TAOK2: variants seen among roughly 807,000 people sequenced by gnomAD.
The protein encoded by TAOK2 is serine/threonine-protein kinase TAO2.
TAOK2 carries 42 observed loss-of-function variants against 122.5 expected under a neutral mutation model. The ratio of observed to expected loss-of-function variants is 0.34; its 90% confidence interval spans 0.27 to 0.44. TAOK2 has a LOEUF of 0.44. Ranked by LOEUF, TAOK2 falls within the 20% of genes least tolerant of loss-of-function variation. The pLI, the probability that TAOK2 is intolerant of heterozygous loss-of-function variation, is 1.00. For synonymous variants in TAOK2, 704 were observed against 677.6 expected (o/e 1.04, Z -0.61); for missense variants, 1,264 against 1,644.9 (o/e 0.77, Z 4.01).
At chr16:29,978,204 T>G (rs2069513915) in intron 3 of TAOK2, 44 bp downstream of exon 3, 1 of 1,613,904 alleles carries the variant, frequency 6.2e-7, no homozygotes, top group Non-Finnish European at 8.5e-7. Context: ...AGGGGACTCC[T>G]GTCTCAAGAT....
intron 8 of TAOK2, 138 bp from the exon 9 acceptor site, chr16:29,981,523 G>A: frequency 6.5e-6 from 5 of 766,780 alleles, no homozygotes; most frequent in Non-Finnish European, 1.2e-5. Context: ...AGACGCAACA[G>A]GATGATGGGA....
Position 29,986,408 on chromosome 16 carries a change from G to A in TAOK2, c.2136G>A (p.Thr712=), listed in dbSNP as rs527364426. Residue 712 remains threonine (T), a synonymous_variant, in exon 16 of 16, where the codon ACG becomes ACA. Coordinates refer to ENST00000308893, the MANE Select transcript of TAOK2 (RefSeq NM_016151.4). This position sits in a 1 kb window ranked among gnomAD's most constrained non-coding sequence, Gnocchi z 4.2. ...RAELTRLQHQ[T]ELGNQLEYNK... ...AGCTCACCCGCCTGCAGCACCAGAC[G>A]GAGCTGGGCAACCAGCTGGAGTACA... The A allele has an allele frequency of 5.5e-5, 88 of 1,611,362 alleles. No individual in the cohort carries two copies. Among genetic ancestry groups the A allele is most frequent in the South Asian group, 7.7e-5 (7 of 90,842 alleles).
chr16:29,977,185 T>C (rs1434318292), intron 1 of TAOK2, among the ~76,000 whole-genome samples: 1 of 152,124 alleles, frequency 6.6e-6, no homozygotes, highest in African/African-American at 2.4e-5. Flanking sequence ...CCCTGACTTT[T>C]TTGAGAGTGA....
downstream of TAOK2, chr16:29,990,559 T>C (rs1041685007): frequency 2.1e-5 from 8 of 386,928 alleles, no homozygotes; most frequent in African/African-American, 1.6e-4. Context: ...TCCAGTATTT[T>C]GCTATCACAA....
At position 29,982,873 on chromosome 16, in the gene TAOK2, C is replaced by T. The variant is rs752276045; in HGVS notation, c.971C>T (p.Pro324Leu). ...CTGTTCCAAGAGGCACCCAACGGCC[C>T]TGGTGCCGAGGCCCCAGAGGAGGAA... Reference protein sequence around the residue: ...KILFQEAPNGPGAEAPEEEEE... With the variant: ...KILFQEAPNGLGAEAPEEEEE... Residue 324 changes from proline to leucine, a missense_variant, in exon 11 of 16, where the codon CCT (proline) becomes CTT (leucine). Coordinates refer to ENST00000308893, the MANE Select transcript of TAOK2 (RefSeq NM_016151.4). 2.5e-6 allele frequency: 4 copies of T among 1,614,060 alleles called. No homozygotes were observed. The highest frequency in any genetic ancestry group is 3.4e-6 in the Non-Finnish European group (4 of 1,179,972).
chr16:29,981,413 T>TC (rs1204163053), intron 8 of TAOK2: 2 of 607,458 alleles, frequency 3.3e-6, no homozygotes, highest in Non-Finnish European at 3.0e-6. Context: ...CCTTCTGCCT[T>TC]CGTTACTGCT....
In TAOK2 at chr16:29,986,077, A is replaced by G. The variant is rs2069780134; in HGVS notation, c.1993-188A>G. Among the ~76,000 whole-genome samples the G allele has an allele frequency of 1.3e-5, 2 of 152,014 alleles. No homozygotes were observed. Among genetic ancestry groups the G allele is most frequent in the African/African-American group, 4.8e-5 (2 of 41,368 alleles). On this transcript the variant is annotated intron_variant, in intron 15 of 15. Coordinates refer to ENST00000308893, the MANE Select transcript of TAOK2 (RefSeq NM_016151.4). The surrounding 1 kb of genome is among the most constrained non-coding windows in gnomAD (Gnocchi z 4.2). ...GGCCAGGGAGGAGCTTGCCTCCCCT[A>G]CACCCTCATCTCCTGCCATCCCCAG...
At chr16:29,989,562 C>T, downstream of TAOK2, 1 of 1,611,746 alleles carries the variant, frequency 6.2e-7, no homozygotes, top group Non-Finnish European at 8.5e-7. Context: ...CCCCGCTGCC[C>T]CCATCTCCCC....
rs554333846 is a variant in TAOK2 at position 29,977,793 on chromosome 16, C to T, written c.21C>T (p.Ala7=). ...CCACCATGCCAGCTGGGGGCCGGGC[C>T]GGGAGCCTGAAGGACCCAGATGTGG... The part of the protein sequence containing the change: MPAGGR[A]GSLKDPDVAE... Residue 7 remains alanine (A), a synonymous_variant, in exon 2 of 16, where the codon GCC becomes GCT. Coordinates refer to ENST00000308893, the MANE Select transcript of TAOK2 (RefSeq NM_016151.4). 97 of 1,614,144 alleles carry T rather than the reference C, an allele frequency of 6.0e-5. No homozygotes were observed. The East Asian group carries it at 1.5e-3, about 25-fold the overall frequency.
rs1347901538 is a variant in TAOK2, at chr16:29,987,636, G to A, written c.3364G>A (p.Gly1122Ser). ...ACTGTACCCCAAAACCAACAAGGAT[G>A]GCTTCCGCAGCCGCCTGCCCGTCCC... ...FALYPKTNKD[G>S]FRSRLPVPGP... The change falls in exon 16 of 16, where the codon GGC becomes AGC. Residue 1122 changes from glycine to serine, a missense_variant. Transcript: ENST00000308893. 5 of 1,613,276 alleles carry A rather than the reference G, an allele frequency of 3.1e-6. No individual in the cohort carries two copies. The highest frequency in any genetic ancestry group is 4.2e-6 in the Non-Finnish European group (5 of 1,179,460).
At chr16:29,991,688 C>T (rs1379093303), downstream of TAOK2, 3 of 1,218,850 alleles carry the variant, frequency 2.5e-6, no homozygotes, top group Non-Finnish European at 3.2e-6. This position sits in a 1 kb window ranked among gnomAD's most constrained non-coding sequence, Gnocchi z 5.6. Flanking sequence ...CTCCAGCTCC[C>T]CTCAGACCTC....
Position 29,983,116 on chromosome 16 carries a change from CG to C in TAOK2, c.1045del (p.Glu349ArgfsTer23), listed in dbSNP as rs1567243399. ...ACCGGGCCGGGACTCTGACCAGCCT[CG>C]AGAGTAGCCACTCAGTGCCCAGCAT... ...MHRAGTLTSL[E>X]SSHSVPSMSI... On this transcript the variant is annotated frameshift_variant, in exon 12 of 16. Coordinates refer to ENST00000308893, the MANE Select transcript of TAOK2 (RefSeq NM_016151.4). LOFTEE classifies it high-confidence loss of function. 1 of 1,614,080 alleles carries C rather than the reference CG, an allele frequency of 6.2e-7. No individual in the cohort carries two copies. Among genetic ancestry groups the C allele is most frequent in the Admixed American group, 1.7e-5 (1 of 60,016 alleles).
chr16:29,978,096 A>C lies in TAOK2; in HGVS notation c.140A>C (p.Asp47Ala). The change falls in exon 3 of 16, where the codon GAT (aspartate) becomes GCT (alanine). Residue 47 changes from aspartate (D) to alanine (A), a missense_variant. This residue lies in a region of TAOK2 where 254 missense variants were observed against 503.8 expected (regional missense o/e 0.50). Coordinates refer to ENST00000308893, the MANE Select transcript of TAOK2 (RefSeq NM_016151.4). ...TCTGGTCTGGTCCTCTAGGCCCGGG[A>C]TGTCCGGAATAGTGAGGTGGTGGCC... ...GSFGAVYFARDVRNSEVVAIK... is the reference protein window; with the variant it reads ...GSFGAVYFARAVRNSEVVAIK... The C allele has an allele frequency of 6.2e-7, 1 of 1,613,894 alleles. No individual in the cohort carries two copies. The highest frequency in any genetic ancestry group is 8.5e-7 in the Non-Finnish European group (1 of 1,179,972).
Position 29,987,489 on chromosome 16 carries a change from C to A in TAOK2, c.3217C>A (p.Gln1073Lys). 6.3e-7 allele frequency: 1 copy of A among 1,594,960 alleles called. No individual in the cohort carries two copies. Among genetic ancestry groups the A allele is most frequent in the Non-Finnish European group, 8.6e-7 (1 of 1,169,306 alleles). The part of the protein sequence containing the change: ...MAAGGRWVRQ[Q>K]GPRVRRGISR... The stretch of plus-strand genomic sequence containing the variant: ...AGCGGGGGGCAGATGGGTGCGGCAG[C>A]AGGGCCCCCGGGTGCGCCGGGGCAT... Residue 1073 changes from glutamine to lysine, a missense_variant, in exon 16 of 16, where the codon CAG becomes AAG. This residue lies in a region of TAOK2 where 824 missense variants were observed against 908.7 expected (regional missense o/e 0.91). Transcript: ENST00000308893.
chr16:29,986,881 G>A lies in TAOK2; in HGVS notation c.2609G>A (p.Trp870Ter). The A allele has an allele frequency of 6.2e-7, 1 of 1,614,074 alleles. No individual in the cohort carries two copies. The highest frequency in any genetic ancestry group is 8.5e-7 in the Non-Finnish European group (1 of 1,179,966). Residue 870 changes from tryptophan to a stop codon, truncating the protein, a stop_gained, in exon 16 of 16, where the codon TGG becomes TAG. Coordinates refer to ENST00000308893, the MANE Select transcript of TAOK2 (RefSeq NM_016151.4). LOFTEE classifies it high-confidence loss of function. The surrounding 1 kb of genome is among the most constrained non-coding windows in gnomAD (Gnocchi z 4.2). ...GTTGGCCAGGAGGAGGCTGGGACAT[G>A]GAGCTTGTGGGGGAAGGAGGATGAG... ...SIVGQEEAGTWSLWGKEDESL... is the reference protein window; with the variant it reads ...SIVGQEEAGT
intron 4 of TAOK2, 130 bp from the exon 5 acceptor site, chr16:29,978,669 A>G (rs2069528986): frequency 9.8e-7 from 1 of 1,021,946 alleles, no homozygotes. Context: ...CCACCCCCTC[A>G]TTGTCTCCAG....
At position 29,986,131 on chromosome 16, in the gene TAOK2, C is replaced by T. The variant is rs2069782636; in HGVS notation, c.1993-134C>T. 5 of 1,368,114 alleles carry T rather than the reference C, an allele frequency of 3.7e-6. No homozygotes were observed. In the South Asian group the frequency reaches 4.3e-5, roughly 12 times the overall value. 84.7% of individuals were successfully genotyped at this position (1,368,114 alleles called of 1,614,324 possible). A position where few individuals can be genotyped will look rare whatever the true frequency, so the allele number is the denominator to read the frequency against. On this transcript the variant is annotated intron_variant, in intron 15 of 15. Transcript: ENST00000308893. This position sits in a 1 kb window ranked among gnomAD's most constrained non-coding sequence, Gnocchi z 4.2. The stretch of plus-strand genomic sequence containing the variant: ...CCTCTGCCAAGGAGCCCTGGCCCCT[C>T]ACTTCCTTGATACTGACCAGGCCCT...
Position 29,978,985 on chromosome 16 carries a change from C to A in TAOK2, c.364C>A (p.Pro122Thr). The A allele has an allele frequency of 6.2e-7, 1 of 1,614,194 alleles. No homozygotes were observed. Among genetic ancestry groups the A allele is most frequent in the Non-Finnish European group, 8.5e-7 (1 of 1,180,042 alleles). The change falls in exon 6 of 16, where the codon CCC (proline) becomes ACC (threonine). Residue 122 changes from proline (P) to threonine (T), a missense_variant. Transcript: ENST00000308893. The stretch of plus-strand genomic sequence containing the variant: ...TCCTCACTCTCCAGTGCACAAGAAA[C>A]CCCTTCAGGAGGTAGAGATCGCAGC... ...ASDLLEVHKK[P>T]LQEVEIAAVT...
At chr16:29,991,018 G>T (rs777240353), downstream of TAOK2, 3 of 1,582,482 alleles carry the variant, frequency 1.9e-6, no homozygotes, top group African/African-American at 2.7e-5. This position sits in a 1 kb window ranked among gnomAD's most constrained non-coding sequence, Gnocchi z 5.6. Context: ...TCCTGCCCCC[G>T]ACTCTAACCT....
Sources: gnomAD v4.1 joint callset for allele counts (sites outside exome capture counted in the v4.1 genomes callset) on GRCh38, gnomAD v4.1.1 for gene constraint, gnomAD v4.1.1 regional missense constraint, Gnocchi (gnomAD v3.1) non-coding constraint, MANE v1.5 for transcripts, NCBI Gene and HGNC (gene_info 2026-07-23, HGNC 2026-07-21) for gene names.